Variants in NUB1 observed in about 807,000 individuals in gnomAD.
NUB1 encodes negative regulator of ubiquitin like proteins 1.
In NUB1, 41 loss-of-function variants were observed where a neutral mutation model predicts 77.1. That is an observed-to-expected ratio of 0.53 (90% CI 0.41 to 0.69). The LOEUF (loss-of-function observed/expected upper bound fraction) is 0.69, where lower values mean the gene tolerates loss of function less well. NUB1 is among the 30% of genes least tolerant of loss of function. NUB1 has a pLI of 0.00. For synonymous variants in NUB1, 257 were observed against 281.0 expected, an observed-to-expected ratio of 0.91 and a Z score of 0.85; for missense variants, 643 against 743.8, an observed-to-expected ratio of 0.86 and a Z score of 1.58.
At chr7:151,355,565 C>T (rs180926563) in intron 5 of NUB1, among the ~76,000 whole-genome samples, 9 of 152,208 alleles carry the variant, frequency 5.9e-5, no homozygotes, top group East Asian at 1.9e-4. Context: ...CCCAGCTCCT[C>T]GGGAGGCTGA....
chr7:151,376,076 C>T, intron 13 of NUB1, 133 bp downstream of exon 13: 4 of 682,924 alleles, frequency 5.9e-6, no homozygotes, highest in Middle Eastern at 3.1e-4. Context: ...CAGGTGTAAC[C>T]TGCCCACCTC....
intron 7 of NUB1, among the ~76,000 whole-genome samples, chr7:151,358,619 C>A (rs1797199621): frequency 6.6e-6 from 1 of 152,228 alleles, no homozygotes; most frequent in Non-Finnish European, 1.5e-5. Flanking sequence ...CTGAAACCAT[C>A]TGCCTTCCTC....
chr7:151,378,384 C>T lies in NUB1; in HGVS notation c.*1159C>T, dbSNP rs1325388191. ...TGGTCCAGTTTGGACTGATGGGAATCTTCTTGTCATTCTTTTTAAACGGAT... is the reference window on the plus strand; with the variant it reads ...TGGTCCAGTTTGGACTGATGGGAATTTTCTTGTCATTCTTTTTAAACGGAT... On this transcript the variant is annotated 3_prime_UTR_variant, in exon 15 of 15. Transcript: ENST00000568733. The T allele has an allele frequency of 6.6e-6, 1 of 152,196 alleles. No individual in the cohort carries two copies. Among genetic ancestry groups the T allele is most frequent in the Admixed American group, 6.5e-5 (1 of 15,282 alleles). 9.4% of individuals were successfully genotyped at this position (152,196 alleles called of 1,614,324 possible).
intron 11 of NUB1, among the ~76,000 whole-genome samples, chr7:151,370,360 A>C (rs1021437998): frequency 3.3e-5 from 5 of 152,180 alleles, no homozygotes; most frequent in African/African-American, 4.8e-5. Context: ...AAGTGCTGGG[A>C]TCACAGGTGT....
At chr7:151,357,427 T>C (rs1384899221) in intron 7 of NUB1, among the ~76,000 whole-genome samples, 2 of 151,914 alleles carry the variant, frequency 1.3e-5, no homozygotes, top group Non-Finnish European at 2.9e-5. Context: ...CCCAGCCCCT[T>C]GGGGGCCTCT....
Position 151,372,390 on chromosome 7 carries a change from C to T in NUB1, c.1249-1707C>T, listed in dbSNP as rs1798001102. ...TAATGAAAGGAAGTATTCTTCGAAG[C>T]TCCCAGTTGGTGTGAGGTCTGTGTT... is the stretch of plus-strand genomic sequence containing the variant. On this transcript the variant is annotated intron_variant, in intron 11 of 14. Coordinates refer to ENST00000568733, the MANE Select transcript of NUB1 (RefSeq NM_001243351.2). 2.6e-5 allele frequency among the ~76,000 whole-genome samples: 4 copies of T among 152,206 alleles called. No homozygotes were observed. In the South Asian group the frequency reaches 8.3e-4, roughly 32 times the overall value.
intron 1 of NUB1, among the ~76,000 whole-genome samples, chr7:151,344,157 G>T (rs1796350761): frequency 9.0e-6 from 1 of 111,254 alleles, no homozygotes; most frequent in Non-Finnish European, 1.7e-5. Flanking sequence ...CTCTAGCCTG[G>T]GCGACAGAGT....
intron 6 of NUB1, 69 bp from the exon 7 acceptor site, chr7:151,356,059 T>G: frequency 6.5e-7 from 1 of 1,549,246 alleles, no homozygotes; most frequent in South Asian, 1.1e-5. Context: ...CAGTCTAACA[T>G]TTTTAAGGCT....
chr7:151,359,034 C>T (rs567562727), intron 7 of NUB1, among the ~76,000 whole-genome samples: 1 of 151,360 alleles, frequency 6.6e-6, no homozygotes, highest in Admixed American at 6.6e-5. Flanking sequence ...CACTGCACTC[C>T]AGCCTGGAAG....
intron 5 of NUB1, 95 bp downstream of exon 5, chr7:151,352,977 C>A: frequency 4.5e-6 from 3 of 667,710 alleles, no homozygotes; most frequent in South Asian, 2.0e-5. Context: ...AAATTTGTAG[C>A]TTTATTTCAT....
intron 11 of NUB1, among the ~76,000 whole-genome samples, chr7:151,370,526 A>AT (rs1189087336): frequency 5.9e-5 from 9 of 151,772 alleles, no homozygotes; most frequent in African/African-American, 1.5e-4. Context: ...ATTTTTATTT[A>AT]TTTTTTCCTT....
chr7:151,363,936 G>A (rs1797508415), intron 8 of NUB1, among the ~76,000 whole-genome samples: 1 of 151,662 alleles, frequency 6.6e-6, no homozygotes, highest in South Asian at 2.1e-4. Context: ...TGGGATTACA[G>A]GTGCCCACTA....
intron 1 of NUB1, 65 bp from the exon 2 acceptor site, chr7:151,345,283 T>C (rs1227623019): frequency 3.0e-6 from 3 of 994,498 alleles, no homozygotes; most frequent in Admixed American, 4.3e-5. Context: ...CCTTAACATG[T>C]AGGTAAGTTA....
At chr7:151,374,619 A>G (rs1798123195) in intron 12 of NUB1, 1 of 284,170 alleles carries the variant, frequency 3.5e-6, no homozygotes. Context: ...AAAATTTTAA[A>G]TGTAAGTATC....
intron 3 of NUB1, among the ~76,000 whole-genome samples, chr7:151,349,537 G>A (rs1366841791): frequency 6.6e-6 from 1 of 152,230 alleles, no homozygotes. Context: ...GGATTCCCAA[G>A]TTTCCTAGAA....
intron 1 of NUB1, among the ~76,000 whole-genome samples, chr7:151,344,453 G>C (rs1261627188): frequency 6.7e-6 from 1 of 150,294 alleles, no homozygotes; most frequent in Non-Finnish European, 1.5e-5. Context: ...TGGGATTACA[G>C]GTACCTGCCA....
chr7:151,361,567 A>C (rs998692540), intron 8 of NUB1, among the ~76,000 whole-genome samples: 2 of 152,206 alleles, frequency 1.3e-5, no homozygotes, highest in Non-Finnish European at 2.9e-5. Flanking sequence ...TGAAAAGTAG[A>C]CTTGATTTTT....
intron 5 of NUB1, among the ~76,000 whole-genome samples, chr7:151,353,461 T>C (rs1796912623): frequency 6.6e-6 from 1 of 152,162 alleles, no homozygotes; most frequent in African/African-American, 2.4e-5. Flanking sequence ...TGTCATTTAG[T>C]GGGTGGAGGC....
intron 3 of NUB1, among the ~76,000 whole-genome samples, chr7:151,350,435 G>C (rs1179526906): frequency 6.6e-6 from 1 of 152,246 alleles, no homozygotes; most frequent in African/African-American, 2.4e-5. Context: ...GGGCCTTTCC[G>C]GGCACTGGAG....
Sources: allele counts gnomAD v4.1 joint callset (sites outside exome capture counted in the v4.1 genomes callset), GRCh38; gene constraint gnomAD v4.1.1; transcripts MANE v1.5; gene names NCBI Gene and HGNC (gene_info 2026-07-23, HGNC 2026-07-21).